Variants in SMC1A observed in about 807,000 individuals in gnomAD.
SMC1A encodes the protein structural maintenance of chromosomes protein 1A.
In SMC1A, 4 loss-of-function variants were observed where a neutral mutation model predicts 94.5. The observed-to-expected ratio is 0.04, with a 90% CI of 0.02 to 0.10. The LOEUF (loss-of-function observed/expected upper bound fraction) is 0.10. Ranked by LOEUF, SMC1A falls within the 10% of genes least tolerant of loss-of-function variation. The pLI, the probability that SMC1A is intolerant of heterozygous loss-of-function variation, is 1.00. For missense variants in SMC1A, 304 were observed against 989.0 expected, an observed-to-expected ratio of 0.31 and a Z score of 9.29; for synonymous variants, 345 against 347.7, an observed-to-expected ratio of 0.99 and a Z score of 0.09.
intron 1 of SMC1A, 87 bp downstream of exon 1, chrX:53,422,405 G>T: frequency 1.5e-6 from 1 of 669,893 alleles, no homozygotes; most frequent in Non-Finnish European, 2.4e-6. Context: ...GACGTTTCAG[G>T]TTACATGGGC....
intron 15 of SMC1A, 121 bp from the exon 16 acceptor site, chrX:53,399,851 C>T: frequency 1.4e-6 from 1 of 712,216 alleles, no homozygotes; most frequent in Non-Finnish European, 2.1e-6. Context: ...CCCAGAGTTA[C>T]TGATTTTCAG....
chrX:53,412,347 C>A (rs1399461790), intron 5 of SMC1A, 94 bp from the exon 6 acceptor site: 11 of 924,841 alleles, frequency 1.2e-5, no homozygotes, highest in African/African-American at 2.0e-5. Context: ...AGCCCCTGAG[C>A]CAACCTCAGG....
intron 23 of SMC1A, 130 bp downstream of exon 23, chrX:53,380,888 C>T (rs1289910956): frequency 2.9e-5 from 19 of 666,401 alleles, no homozygotes; most frequent in Non-Finnish European, 4.4e-5. Flanking sequence ...GCATGGATGA[C>T]TCTGGGCCCA....
chrX:53,377,323 T>C lies in SMC1A; in HGVS notation c.*2780A>G, dbSNP rs782616518. 1.3e-4 allele frequency: 15 copies of C among 111,757 alleles called. No individual in the cohort carries two copies. The highest frequency in any genetic ancestry group is 4.2e-4 in the African/African-American group (13 of 30,684). The allele number at this position is 111,757 out of a possible 1,213,427, so 9.2% of individuals were successfully genotyped here. ...CTAAGGCATCTCATGTAATCCTTTT[T>C]ATCCTGTGAGGTAGGGGTTAGTTAT... is the stretch of plus-strand genomic sequence containing the variant. On this transcript the variant is annotated 3_prime_UTR_variant, in exon 25 of 25. Transcript: ENST00000322213.
At chrX:53,389,847 T>C (rs1447200251) in intron 19 of SMC1A, among the ~76,000 whole-genome samples, 7 of 86,462 alleles carry the variant, frequency 8.1e-5, no homozygotes, top group Non-Finnish European at 1.2e-4. Context: ...AATTTCTTTT[T>C]TTTTTTTTTT....
In SMC1A at chrX:53,377,400, G is replaced by A. The variant is rs1275372517; in HGVS notation, c.*2703C>T. 2 of 112,253 alleles carry A rather than the reference G, an allele frequency of 1.8e-5. No homozygotes were observed. Among genetic ancestry groups the A allele is most frequent in the Non-Finnish European group, 3.8e-5 (2 of 53,189 alleles). The allele number at this position is 112,253 out of a possible 1,213,427, so 9.3% of individuals were successfully genotyped here. On this transcript the variant is annotated 3_prime_UTR_variant, in exon 25 of 25. Transcript: ENST00000322213. Reference sequence around the variant, plus strand: ...TCAGATTTCCAGAGGTGGGACCAGAGCAATTTATTTTTAAAGAGCTCCACA... The same window carrying A: ...TCAGATTTCCAGAGGTGGGACCAGAACAATTTATTTTTAAAGAGCTCCACA...
At chrX:53,405,988 T>A in intron 9 of SMC1A, 32 bp from the exon 10 acceptor site, 1 of 1,175,046 alleles carries the variant, frequency 8.5e-7, no homozygotes, top group Non-Finnish European at 1.2e-6. Flanking sequence ...AACTGAAGTA[T>A]GAAGCTTTTG....
At chrX:53,409,559 G>A in intron 7 of SMC1A, 56 bp from the exon 8 acceptor site, 2 of 977,130 alleles carry the variant, frequency 2.0e-6, no homozygotes, top group Non-Finnish European at 2.9e-6. Context: ...CAAGACCATG[G>A]GGGCTCTAGA....
chrX:53,421,553 C>T (rs1334249780), intron 1 of SMC1A, among the ~76,000 whole-genome samples: 1 of 111,694 alleles, frequency 9.0e-6, no homozygotes, highest in Non-Finnish European at 1.9e-5. Flanking sequence ...GAGGAATCCA[C>T]GGTGTATCGT....
rs1556888056 is a variant in SMC1A at position 53,396,510 on chromosome X, C to T, written c.2670G>A (p.Glu890=). ...CGAGTTTCTTACGAATCTCCTCCATCTCATGATTCTTGTCATTCACTTCCG... is the reference window on the plus strand; with the variant it reads ...CGAGTTTCTTACGAATCTCCTCCATTTCATGATTCTTGTCATTCACTTCCG... The part of the protein sequence containing the change: ...KKSEVNDKNH[E]MEEIRKKLGG... Residue 890 remains glutamate, a synonymous_variant, in exon 17 of 25, where the codon GAG becomes GAA. Coordinates refer to ENST00000322213, the MANE Select transcript of SMC1A (RefSeq NM_006306.4). The T allele has an allele frequency of 8.3e-7, 1 of 1,211,390 alleles. No individual in the cohort carries two copies. Among genetic ancestry groups the T allele is most frequent in the South Asian group, 1.8e-5 (1 of 56,984 alleles).
Position 53,394,803 on chromosome X carries a change from T to A in SMC1A, c.2948A>T (p.Tyr983Phe). 1 of 1,073,003 alleles carries A rather than the reference T, an allele frequency of 9.3e-7. No individual in the cohort carries two copies. The highest frequency in any genetic ancestry group is 1.2e-6 in the Non-Finnish European group (1 of 808,244). 88.4% of individuals were successfully genotyped at this position (1,073,003 alleles called of 1,213,427 possible). A position where few individuals can be genotyped will look rare whatever the true frequency, so the allele number is the denominator to read the frequency against. ...YAREALIEIDYGDLCEDLKDA... is the reference protein window; with the variant it reads ...YAREALIEIDFGDLCEDLKDA... ...CTTCAGATCCTCACACAGATCACCG[T>A]AGTCAATCTCAATGAGGGCCTCTCG... Residue 983 changes from tyrosine to phenylalanine, a missense_variant, in exon 19 of 25, where the codon TAC (tyrosine) becomes TTC (phenylalanine). By Grantham distance (22) the Tyr-to-Phe change is conservative. Coordinates refer to ENST00000322213, the MANE Select transcript of SMC1A (RefSeq NM_006306.4).
chrX:53,407,382 C>T (rs2075695289), intron 9 of SMC1A, among the ~76,000 whole-genome samples: 1 of 112,435 alleles, frequency 8.9e-6, no homozygotes. Context: ...TGGAGGGTGG[C>T]TTGCCCAGAT....
At chrX:53,390,089 C>T (rs2075622033) in intron 19 of SMC1A, among the ~76,000 whole-genome samples, 2 of 105,468 alleles carry the variant, frequency 1.9e-5, no homozygotes, top group African/African-American at 3.4e-5. Context: ...CATGATCCGC[C>T]TGCCTCGGCC....
At chrX:53,385,043 G>A (rs1320453061) in intron 19 of SMC1A, among the ~76,000 whole-genome samples, 1 of 109,817 alleles carries the variant, frequency 9.1e-6, no homozygotes, top group Non-Finnish European at 1.9e-5. Flanking sequence ...ATGTGCATGC[G>A]TACAAGTGTG....
At chrX:53,404,978 C>G (rs2075685716) in intron 13 of SMC1A, 34 bp downstream of exon 13, 1 of 1,179,190 alleles carries the variant, frequency 8.5e-7, no homozygotes. Flanking sequence ...GTGTGGATGG[C>G]CTTTGGAGAA....
chrX:53,408,840 T>TAAAAAAAAAAAAAAAAAAAA (rs1295569888), intron 9 of SMC1A, among the ~76,000 whole-genome samples: 1 of 67,064 alleles, frequency 1.5e-5, no homozygotes, highest in African/African-American at 5.6e-5. Context: ...GGTTGAAAAA[T>TAAAAAAAAAAAAAAAAAAAA]AAAAAAAAAA....
At position 53,374,778 on chromosome X, in the gene SMC1A, C is replaced by G. The variant is rs1210836998; in HGVS notation, c.*5325G>C. On this transcript the variant is annotated 3_prime_UTR_variant, in exon 25 of 25. Coordinates refer to ENST00000322213, the MANE Select transcript of SMC1A (RefSeq NM_006306.4). ...TCTCATTATACAAATGTCTCATGAC[C>G]TCTGCTTACTTATGGTTTCTGCAGC... 1 of 112,525 alleles carries G rather than the reference C, an allele frequency of 8.9e-6. No homozygotes were observed. Among genetic ancestry groups the G allele is most frequent in the East Asian group, 2.8e-4 (1 of 3,601 alleles). The allele number at this position is 112,525 out of a possible 1,213,427, so 9.3% of individuals were successfully genotyped here.
chrX:53,418,773 T>C (rs1035272381), intron 1 of SMC1A, among the ~76,000 whole-genome samples: 1 of 111,497 alleles, frequency 9.0e-6, no homozygotes, highest in Non-Finnish European at 1.9e-5. Flanking sequence ...CCGGGTGCAG[T>C]GGCTCATGAC....
At chrX:53,415,825 T>C (rs1192519967) in intron 1 of SMC1A, among the ~76,000 whole-genome samples, 1 of 23,874 alleles carries the variant, frequency 4.2e-5, no homozygotes, top group African/African-American at 1.2e-4. Context: ...AGAACAAGAC[T>C]CTCTTTAAAA....
Sources: allele counts gnomAD v4.1 joint callset (sites outside exome capture counted in the v4.1 genomes callset), GRCh38; gene constraint gnomAD v4.1.1; transcripts MANE v1.5; gene names NCBI Gene and HGNC (gene_info 2026-07-23, HGNC 2026-07-21).